Variants in ABLIM2 observed in about 807,000 individuals in gnomAD.
ABLIM2 encodes the protein actin-binding LIM protein 2.
Under a neutral mutation model 97.7 loss-of-function variants are expected in ABLIM2, and 53 were observed. That is an observed-to-expected ratio of 0.54 (90% CI 0.44 to 0.68). The LOEUF is 0.68. ABLIM2 is among the 30% of genes least tolerant of loss of function. The pLI, the probability that ABLIM2 is intolerant of heterozygous loss-of-function variation, is 0.00. For missense variants in ABLIM2, 835 were observed against 867.2 expected (o/e 0.96, Z 0.47); for synonymous variants, 361 against 345.8 (o/e 1.04, Z -0.49).
intron 14 of ABLIM2, chr4:8,010,480 T>C (rs1764204140): frequency 1.0e-6 from 1 of 985,772 alleles, no homozygotes; most frequent in African/African-American, 1.7e-5. Flanking sequence ...GTACCCTGCC[T>C]CCTGCACCAC....
intron 7 of ABLIM2, among the ~76,000 whole-genome samples, chr4:8,060,508 A>C (rs1396553415): frequency 6.6e-6 from 1 of 152,172 alleles, no homozygotes; most frequent in East Asian, 1.9e-4. Context: ...AGTGACCCTC[A>C]GTACCTCATT....
At chr4:8,136,292 T>TA in intron 1 of ABLIM2, among the ~76,000 whole-genome samples, 1 of 152,048 alleles carries the variant, frequency 6.6e-6, no homozygotes. Flanking sequence ...GCCGGGGAGT[T>TA]AGTGTTGAAG....
Position 7,967,116 on chromosome 4 carries a change from A to G in ABLIM2, c.1825-13T>C. 1 of 1,610,298 alleles carries G rather than the reference A, an allele frequency of 6.2e-7. No individual in the cohort carries two copies. On this transcript the variant is annotated splice_polypyrimidine_tract_variant and intron_variant, in intron 20 of 20. Transcript: ENST00000447017. ...GCGACAAGTGTCTCTTCAAACAAAA[A>G]GGCAAAACAGAAGGGACCAGTTAGC...
Position 8,125,886 on chromosome 4 carries a change from C to A in ABLIM2, c.11-19249G>T, listed in dbSNP as rs560381811. ...GAGGGCGAACTCACACTCGGCTGTG[C>A]GTGGGCAGCCTTGGGGGACCCGCCG... On this transcript the variant is annotated intron_variant, in intron 1 of 20. Coordinates refer to ENST00000447017, the MANE Select transcript of ABLIM2 (RefSeq NM_001130083.2). The surrounding 1 kb of genome is among the most constrained non-coding windows in gnomAD (Gnocchi z 6.2). Among the ~76,000 whole-genome samples, 8 of 152,284 alleles carry A rather than the reference C, an allele frequency of 5.3e-5. No individual in the cohort carries two copies. The highest frequency in any genetic ancestry group is 1.9e-4 in the African/African-American group (8 of 41,568).
rs1034704085 is a variant in ABLIM2 at position 8,122,286 on chromosome 4, C to T, written c.11-15649G>A. On this transcript the variant is annotated intron_variant, in intron 1 of 20. Coordinates refer to ENST00000447017, the MANE Select transcript of ABLIM2 (RefSeq NM_001130083.2). This position sits in a 1 kb window ranked among gnomAD's most constrained non-coding sequence, Gnocchi z 4.1. ...GATGGCCACAGAGAGCTGGAGAGGT[C>T]CCCCACTTTGTCCTCGGCTCCCATC... Among the ~76,000 whole-genome samples, 1 of 152,168 alleles carries T rather than the reference C, an allele frequency of 6.6e-6. No homozygotes were observed. Among genetic ancestry groups the T allele is most frequent in the African/African-American group, 2.4e-5 (1 of 41,436 alleles).
In ABLIM2 at chr4:8,158,675, C is replaced by A; in HGVS notation, c.10+5G>T. The A allele has an allele frequency of 6.7e-7, 1 of 1,490,116 alleles. No homozygotes were observed. Among genetic ancestry groups the A allele is most frequent in the Non-Finnish European group, 8.9e-7 (1 of 1,124,524 alleles). The allele number at this position is 1,490,116 out of a possible 1,614,324, so 92.3% of individuals were successfully genotyped here. A position where few individuals can be genotyped will look rare whatever the true frequency, so the allele number is the denominator to read the frequency against. The stretch of plus-strand genomic sequence containing the variant: ...CCCGTTGGTCCCTCGGTCCCCAGCA[C>A]CCACCTGCACTCATCTCAGCAGCCG... On this transcript the variant is annotated splice_donor_5th_base_variant and intron_variant, in intron 1 of 20. Transcript: ENST00000447017.
rs910715201 is a variant in ABLIM2, at chr4:8,106,607, A to G, written c.41T>C (p.Leu14Pro). The change falls in exon 2 of 21, where the codon CTG (leucine) becomes CCG (proline). Residue 14 changes from leucine (L) to proline (P), a missense_variant. Leu to Pro is a moderately conservative substitution (Grantham distance 98, BLOSUM62 -3). Coordinates refer to ENST00000447017, the MANE Select transcript of ABLIM2 (RefSeq NM_001130083.2). ...VSQPQAAPSP[L>P]EKSPSTAILC... Reference sequence around the variant, plus strand: ...GATCGCCGTGCTGGGCGACTTCTCCAGCGGGCTGGGAGCAGCCTGGGGCTG... The same window carrying G: ...GATCGCCGTGCTGGGCGACTTCTCCGGCGGGCTGGGAGCAGCCTGGGGCTG... 1.2e-6 allele frequency: 2 copies of G among 1,612,228 alleles called. No individual in the cohort carries two copies. The highest frequency in any genetic ancestry group is 1.7e-6 in the Non-Finnish European group (2 of 1,179,250).
chr4:8,013,572 T>C lies in ABLIM2; in HGVS notation c.1424-4470A>G, dbSNP rs149499397. On this transcript the variant is annotated intron_variant, in intron 14 of 20. Transcript: ENST00000447017. ...TGTTAACAGATAATAATAGATGCTA[T>C]GAACCTCATTTACAGATGAGGAGAC... Among the ~76,000 whole-genome samples the C allele has an allele frequency of 3.9e-4, 60 of 152,342 alleles. No homozygotes were observed. In the East Asian group the frequency reaches 9.8e-3, roughly 25 times the overall value.
At chr4:8,030,185 G>A (rs937202237) in intron 10 of ABLIM2, among the ~76,000 whole-genome samples, 2 of 152,210 alleles carry the variant, frequency 1.3e-5, no homozygotes, top group Admixed American at 6.5e-5. Flanking sequence ...CGTGTGAACT[G>A]GGGGCTCTAA....
At chr4:8,027,210 G>A (rs17795172) in intron 12 of ABLIM2, among the ~76,000 whole-genome samples, 36,060 of 152,176 alleles carry the variant, frequency 0.24, 4,672 homozygotes, top group Non-Finnish European at 0.31. Context: ...AGGAAAACAT[G>A]AGCGTGGCCG....
intron 7 of ABLIM2, 127 bp downstream of exon 7, chr4:8,060,839 GT>G (rs1802519736): frequency 1.3e-6 from 1 of 778,058 alleles, no homozygotes; most frequent in African/African-American, 1.7e-5. Context: ...GCTCCCCGCT[GT>G]GGCTGGGCTG....
At chr4:8,104,302 T>C (rs1035520059) in intron 2 of ABLIM2, among the ~76,000 whole-genome samples, 2 of 152,212 alleles carry the variant, frequency 1.3e-5, no homozygotes, top group African/African-American at 4.8e-5. Flanking sequence ...TGCTGTTCAC[T>C]TCGTTGTTCT....
At chr4:8,081,884 G>C (rs756377779) in intron 4 of ABLIM2, among the ~76,000 whole-genome samples, 18 of 152,154 alleles carry the variant, frequency 1.2e-4, no homozygotes, top group African/African-American at 4.3e-4. Context: ...GATCACACAC[G>C]TCCTCACTCC....
At chr4:8,126,327 G>A (rs1847906774) in intron 1 of ABLIM2, among the ~76,000 whole-genome samples, 1 of 152,090 alleles carries the variant, frequency 6.6e-6, no homozygotes, top group Non-Finnish European at 1.5e-5. Context: ...TCAGGGGGAG[G>A]AGGGAGCCGC....
At chr4:8,077,868 T>C (rs1441610262) in intron 5 of ABLIM2, 147 bp from the exon 6 acceptor site, 2 of 660,496 alleles carry the variant, frequency 3.0e-6, no homozygotes, top group Non-Finnish European at 5.4e-6. Flanking sequence ...CAACAGGCAG[T>C]GTCATTGGGC....
chr4:8,142,185 T>C (rs1851091069), intron 1 of ABLIM2, among the ~76,000 whole-genome samples: 1 of 152,198 alleles, frequency 6.6e-6, no homozygotes, highest in African/African-American at 2.4e-5. Flanking sequence ...GCCAGGACAC[T>C]GTCCAGGTCT....
chr4:8,119,235 G>C (rs1391629711), intron 1 of ABLIM2, among the ~76,000 whole-genome samples: 1 of 151,884 alleles, frequency 6.6e-6, no homozygotes, highest in African/African-American at 2.4e-5. Flanking sequence ...GGTGAGGTGA[G>C]TTGGGGATGC....
chr4:8,096,790 G>T (rs545714278), intron 3 of ABLIM2, among the ~76,000 whole-genome samples: 1 of 152,298 alleles, frequency 6.6e-6, no homozygotes, highest in South Asian at 2.1e-4. Context: ...GCGGAGCGGG[G>T]CCGGTGCAGT....
Position 8,112,145 on chromosome 4 carries a change from C to T in ABLIM2, c.11-5508G>A, listed in dbSNP as rs1320920303. 1.3e-5 allele frequency among the ~76,000 whole-genome samples: 2 copies of T among 152,154 alleles called. No homozygotes were observed. The highest frequency in any genetic ancestry group is 6.5e-5 in the Admixed American group (1 of 15,272). On this transcript the variant is annotated intron_variant, in intron 1 of 20. Coordinates refer to ENST00000447017, the MANE Select transcript of ABLIM2 (RefSeq NM_001130083.2). The surrounding 1 kb of genome is among the most constrained non-coding windows in gnomAD (Gnocchi z 4.2). ...AAACCCCAGCCTTGGGAAGCCCCAC[C>T]GGGAATAACAAAAATGATTGCTGGT...
Sources: allele counts gnomAD v4.1 joint callset (sites outside exome capture counted in the v4.1 genomes callset), GRCh38; gene constraint gnomAD v4.1.1; non-coding constraint Gnocchi (gnomAD v3.1); transcripts MANE v1.5; gene names NCBI Gene and HGNC (gene_info 2026-07-23, HGNC 2026-07-21).